The following SNX29 variants were observed in gnomAD, a reference collection of about 807,000 sequenced individuals.
SNX29 encodes sorting nexin-29.
In SNX29, 78 loss-of-function variants were observed where a neutral mutation model predicts 102.1. That is an observed-to-expected ratio of 0.76 (90% confidence interval 0.64 to 0.92). SNX29 has a LOEUF of 0.92. SNX29 is among the 40% of genes least tolerant of loss of function. The pLI is 0.00. For missense variants in SNX29, 1,280 were observed against 1,061.7 expected, an observed-to-expected ratio of 1.21 and a Z score of -2.86; for synonymous variants, 580 against 414.5, an observed-to-expected ratio of 1.40 and a Z score of -4.85.
chr16:12,541,718 G>GTC (rs2077350897), intron 20 of SNX29, among the ~76,000 whole-genome samples: 2 of 152,120 alleles, frequency 1.3e-5, no homozygotes, highest in South Asian at 4.2e-4. Context: ...CCTGATTCCT[G>GTC]TCACCTCCTG....
chr16:12,037,317 T>A (rs1472597025), intron 4 of SNX29, among the ~76,000 whole-genome samples: 3 of 152,154 alleles, frequency 2.0e-5, no homozygotes, highest in African/African-American at 7.2e-5. Flanking sequence ...CATTGTTTGC[T>A]GACCTCAGCT....
intron 19 of SNX29, among the ~76,000 whole-genome samples, chr16:12,479,791 G>A (rs1204510021): frequency 6.6e-6 from 1 of 152,142 alleles, no homozygotes; most frequent in Non-Finnish European, 1.5e-5. Flanking sequence ...ATCCTGGAGT[G>A]GCCCTTCCGT....
chr16:12,196,434 C>T (rs894362720), intron 13 of SNX29, among the ~76,000 whole-genome samples: 5 of 152,032 alleles, frequency 3.3e-5, no homozygotes, highest in Non-Finnish European at 7.4e-5. Context: ...GCATATTTCC[C>T]ACTACATACG....
chr16:12,051,540 A>G (rs952506771), intron 7 of SNX29, among the ~76,000 whole-genome samples: 5 of 152,142 alleles, frequency 3.3e-5, no homozygotes, highest in Admixed American at 3.3e-4. Flanking sequence ...ATATTTTCCA[A>G]AGTGAAGCAT....
chr16:12,060,063 G>C (rs1270339634), intron 8 of SNX29, among the ~76,000 whole-genome samples: 1 of 152,052 alleles, frequency 6.6e-6, no homozygotes, highest in Non-Finnish European at 1.5e-5. Flanking sequence ...TTACAGTACA[G>C]CTGGCTCTCT....
intron 3 of SNX29, among the ~76,000 whole-genome samples, chr16:12,026,730 A>C (rs1337944560): frequency 6.6e-6 from 1 of 152,208 alleles, no homozygotes; most frequent in East Asian, 1.9e-4. Flanking sequence ...AATTCATATT[A>C]TTATTATTTT....
chr16:12,119,399 C>G (rs1314167170), intron 11 of SNX29, among the ~76,000 whole-genome samples: 3 of 152,196 alleles, frequency 2.0e-5, no homozygotes, highest in African/African-American at 7.2e-5. Context: ...AATTACAAAT[C>G]TGGAAAAGTT....
At chr16:12,209,961 G>A (rs1246891279) in intron 14 of SNX29, among the ~76,000 whole-genome samples, 2 of 152,186 alleles carry the variant, frequency 1.3e-5, no homozygotes, top group African/African-American at 2.4e-5. Flanking sequence ...AGACGAATTC[G>A]TTTGGGTTGA....
At chr16:12,225,094 G>A (rs950881513) in intron 14 of SNX29, among the ~76,000 whole-genome samples, 1 of 152,060 alleles carries the variant, frequency 6.6e-6, no homozygotes, top group Non-Finnish European at 1.5e-5. Context: ...AGTGCCTTTG[G>A]TATTGATTAA....
chr16:12,407,580 C>G (rs547006999), intron 18 of SNX29, among the ~76,000 whole-genome samples: 1 of 152,238 alleles, frequency 6.6e-6, no homozygotes, highest in African/African-American at 2.4e-5. Context: ...TTAACAAATA[C>G]CAGTATAATA....
chr16:12,122,736 C>T (rs1321447044), intron 11 of SNX29, among the ~76,000 whole-genome samples: 1 of 152,094 alleles, frequency 6.6e-6, no homozygotes, highest in Non-Finnish European at 1.5e-5. Flanking sequence ...GTGACTGAAC[C>T]CTCGGCATAG....
intron 1 of SNX29, among the ~76,000 whole-genome samples, chr16:11,981,719 C>T (rs866290938): frequency 2.2e-4 from 33 of 151,930 alleles, no homozygotes; most frequent in Non-Finnish European, 3.4e-4. Flanking sequence ...AGTGGAATGG[C>T]GCTAGGTAAT....
intron 19 of SNX29, among the ~76,000 whole-genome samples, chr16:12,520,145 G>T (rs1026413113): frequency 6.6e-6 from 1 of 152,152 alleles, no homozygotes; most frequent in Non-Finnish European, 1.5e-5. Context: ...TTCAGGCCAG[G>T]GTGTCTGCAC....
At chr16:12,135,636 C>T (rs977622428) in intron 13 of SNX29, 14 of 1,336,686 alleles carry the variant, frequency 1.0e-5, no homozygotes, top group African/African-American at 8.8e-5. Context: ...ATCAACAGTT[C>T]CTGATAGTCT....
At chr16:12,211,426 C>T (rs1241142905) in intron 14 of SNX29, among the ~76,000 whole-genome samples, 2 of 152,158 alleles carry the variant, frequency 1.3e-5, no homozygotes, top group Non-Finnish European at 2.9e-5. Context: ...CAGCTTTTTT[C>T]CTTCTAACAG....
chr16:12,008,195 C>T (rs1041928301), intron 3 of SNX29, among the ~76,000 whole-genome samples: 1 of 152,202 alleles, frequency 6.6e-6, no homozygotes, highest in South Asian at 2.1e-4. Context: ...CCGCCCGCCT[C>T]GGCCTCCCAA....
Position 11,984,083 on chromosome 16 carries a change from T to A in SNX29, c.7+7270T>A, listed in dbSNP as rs118153666. ...ATGAAAAAGATTGAGCTGGACACAG[T>A]GGCTCACACCTGTAATTCCAGCACT... On this transcript the variant is annotated intron_variant, in intron 1 of 20. Coordinates refer to ENST00000566228, the MANE Select transcript of SNX29 (RefSeq NM_032167.5). 4.6e-4 allele frequency among the ~76,000 whole-genome samples: 70 copies of A among 152,308 alleles called. No homozygotes were observed. The East Asian group carries it at 0.012, about 26-fold the overall frequency.
At position 12,140,376 on chromosome 16, in the gene SNX29, A is replaced by G. The variant is rs903745834; in HGVS notation, c.1595+10618A>G. Among the ~76,000 whole-genome samples, 7 of 152,190 alleles carry G rather than the reference A, an allele frequency of 4.6e-5. No homozygotes were observed. In the East Asian group the frequency reaches 1.3e-3, roughly 29 times the overall value. On this transcript the variant is annotated intron_variant, in intron 13 of 20. Coordinates refer to ENST00000566228, the MANE Select transcript of SNX29 (RefSeq NM_032167.5). ...GATTCACTCTCTCATTTCCCGGGCC[A>G]GCTGTGTTACTTTTCCTGCCCAAGC... is the stretch of plus-strand genomic sequence containing the variant.
intron 20 of SNX29, among the ~76,000 whole-genome samples, chr16:12,544,688 G>A (rs1012172187): frequency 2.0e-5 from 3 of 152,170 alleles, no homozygotes; most frequent in Non-Finnish European, 2.9e-5. Context: ...GCTGTCACTC[G>A]AATTCTCTTC....
Sources: gnomAD v4.1 joint callset for allele counts (sites outside exome capture counted in the v4.1 genomes callset) on GRCh38, gnomAD v4.1.1 for gene constraint, MANE v1.5 for transcripts, NCBI Gene and HGNC (gene_info 2026-07-23, HGNC 2026-07-21) for gene names.